LPCAT1: variants seen among roughly 807,000 people sequenced by gnomAD.
LPCAT1 encodes the protein lysophosphatidylcholine acyltransferase 1.
LPCAT1 carries 23 observed loss-of-function variants against 60.9 expected under a neutral mutation model. The observed-to-expected ratio is 0.38, with a 90% CI of 0.27 to 0.53. The LOEUF (loss-of-function observed/expected upper bound fraction) is 0.53, where lower values mean the gene tolerates loss of function less well. Among genes scored for constraint, LPCAT1 ranks in the 20% least tolerant of loss-of-function variants. The pLI is 0.82. For missense variants in LPCAT1, 622 were observed against 723.6 expected (o/e 0.86, Z 1.61); for synonymous variants, 340 against 301.1 (o/e 1.13, Z -1.34).
At chr5:1,516,478 T>A (rs1244390369) in intron 1 of LPCAT1, among the ~76,000 whole-genome samples, 1 of 152,212 alleles carries the variant, frequency 6.6e-6, no homozygotes, top group African/African-American at 2.4e-5. Context: ...GATCCACGCC[T>A]GCCCAGCCCG....
intron 10 of LPCAT1, 70 bp downstream of exon 10, chr5:1,474,490 G>T: frequency 6.4e-7 from 1 of 1,573,628 alleles, no homozygotes; most frequent in East Asian, 2.3e-5. Context: ...TGCAACCCCA[G>T]GCAGCCCCCG....
At chr5:1,473,495 C>T (rs531219102) in intron 11 of LPCAT1, among the ~76,000 whole-genome samples, 2 of 152,232 alleles carry the variant, frequency 1.3e-5, no homozygotes, top group Admixed American at 6.5e-5. Flanking sequence ...GGATGACGTG[C>T]GGAGGGCAGA....
chr5:1,518,441 C>T lies in LPCAT1; in HGVS notation c.135+5269G>A, dbSNP rs546187907. 5.0e-4 allele frequency among the ~76,000 whole-genome samples: 76 copies of T among 152,304 alleles called. 1 individual carries two copies. Among genetic ancestry groups the T allele is most frequent in the Non-Finnish European group, 5.6e-4 (38 of 68,030 alleles). Reference sequence around the variant, plus strand: ...CTGCAAGCTCCGCCTCCTGGGTTCACGCCATTCTCCTGCCTCAGCCTCCTG... The same window carrying T: ...CTGCAAGCTCCGCCTCCTGGGTTCATGCCATTCTCCTGCCTCAGCCTCCTG... On this transcript the variant is annotated intron_variant, in intron 1 of 13. Coordinates refer to ENST00000283415, the MANE Select transcript of LPCAT1 (RefSeq NM_024830.5).
chr5:1,464,739 GAC>G (rs367621142), intron 13 of LPCAT1, among the ~76,000 whole-genome samples: 4,021 of 129,080 alleles, frequency 0.031, 124 homozygotes, highest in African/African-American at 0.095. Flanking sequence ...CATGCACGCA[GAC>G]ACACACACAC....
chr5:1,473,614 G>T (rs1440807614), intron 11 of LPCAT1, among the ~76,000 whole-genome samples: 2 of 152,230 alleles, frequency 1.3e-5, no homozygotes, highest in African/African-American at 4.8e-5. Context: ...CTCTGACGCT[G>T]CAAAGAGCAG....
At chr5:1,497,397 G>T (rs938598165) in intron 2 of LPCAT1, among the ~76,000 whole-genome samples, 1 of 152,248 alleles carries the variant, frequency 6.6e-6, no homozygotes, top group Non-Finnish European at 1.5e-5. Flanking sequence ...GGCTCTGCAG[G>T]TTCCAAATGT....
chr5:1,489,065 C>T (rs976519011), intron 4 of LPCAT1, among the ~76,000 whole-genome samples: 1 of 152,232 alleles, frequency 6.6e-6, no homozygotes, highest in African/African-American at 2.4e-5. Context: ...GGAAGACAGA[C>T]CTCAGGGGGG....
chr5:1,501,427 C>G (rs1979397), intron 2 of LPCAT1, 34 bp downstream of exon 2: 17 of 1,580,048 alleles, frequency 1.1e-5, no homozygotes, highest in East Asian at 4.6e-5. Flanking sequence ...GTGACCCCCC[C>G]CCAGGAGGAG....
At chr5:1,508,176 G>A (rs1579809061) in intron 1 of LPCAT1, among the ~76,000 whole-genome samples, 1 of 152,144 alleles carries the variant, frequency 6.6e-6, no homozygotes, top group South Asian at 2.1e-4. Flanking sequence ...GACAGCAGCC[G>A]CGCCAAGCAG....
At chr5:1,512,329 C>T (rs770473482) in intron 1 of LPCAT1, among the ~76,000 whole-genome samples, 50 of 152,328 alleles carry the variant, frequency 3.3e-4, no homozygotes, top group South Asian at 4.1e-4. Flanking sequence ...GTCAGCTCTG[C>T]ATCATCATCC....
In LPCAT1 at chr5:1,495,002, C is replaced by T. The variant is rs1735732903; in HGVS notation, c.279-88G>A. 7.9e-7 allele frequency: 1 copy of T among 1,272,878 alleles called. No homozygotes were observed. Among genetic ancestry groups the T allele is most frequent in the Non-Finnish European group, 1.1e-6 (1 of 918,040 alleles). The allele number at this position is 1,272,878 out of a possible 1,614,324, so 78.8% of individuals were successfully genotyped here. On this transcript the variant is annotated intron_variant, in intron 2 of 13. Transcript: ENST00000283415. The surrounding 1 kb of genome is among the most constrained non-coding windows in gnomAD (Gnocchi z 4.7). ...ACAGGGGCGGTCCCACGGGAGAGCC[C>T]TCCAGGGCGCAGTCCAGGCCACGGG...
At chr5:1,512,555 G>A (rs914263449) in intron 1 of LPCAT1, among the ~76,000 whole-genome samples, 2 of 152,218 alleles carry the variant, frequency 1.3e-5, no homozygotes, top group African/African-American at 4.8e-5. Flanking sequence ...TCAACCTTGT[G>A]TACTACAAAT....
At chr5:1,478,212 A>C (rs1292415325) in intron 8 of LPCAT1, among the ~76,000 whole-genome samples, 1 of 152,282 alleles carries the variant, frequency 6.6e-6, no homozygotes, top group Non-Finnish European at 1.5e-5. Context: ...TTTTAAATGA[A>C]TATGACCCAC....
intron 5 of LPCAT1, among the ~76,000 whole-genome samples, chr5:1,485,299 G>A (rs1735328929): frequency 6.6e-6 from 1 of 152,102 alleles, no homozygotes; most frequent in Admixed American, 6.5e-5. Context: ...GTCTGCAGGG[G>A]TCTCTGGCCT....
At chr5:1,488,492 C>T in intron 4 of LPCAT1, 41 bp from the exon 5 acceptor site, 5 of 1,343,088 alleles carry the variant, frequency 3.7e-6, no homozygotes, top group Non-Finnish European at 5.2e-6. Context: ...TTAAACTGTA[C>T]ATAATTATAA....
At position 1,523,944 on chromosome 5, in the gene LPCAT1, G is replaced by C. The variant is rs1210089500; in HGVS notation, c.-100C>G. 11 of 856,430 alleles carry C rather than the reference G, an allele frequency of 1.3e-5. No homozygotes were observed. Among genetic ancestry groups the C allele is most frequent in the East Asian group, 1.2e-4 (1 of 8,524 alleles). 53.1% of individuals were successfully genotyped at this position (856,430 alleles called of 1,614,324 possible). ...GTCTCGGGGCGCGGGCCGAGGATGC[G>C]CGGCGGCTGGAGCGGGCCGGGCGCG... On this transcript the variant is annotated 5_prime_UTR_variant, in exon 1 of 14. Coordinates refer to ENST00000283415, the MANE Select transcript of LPCAT1 (RefSeq NM_024830.5). This position sits in a 1 kb window ranked among gnomAD's most constrained non-coding sequence, Gnocchi z 7.1.
At chr5:1,513,791 A>C in intron 1 of LPCAT1, among the ~76,000 whole-genome samples, 1 of 137,652 alleles carries the variant, frequency 7.3e-6, no homozygotes. Context: ...CTGTGATTAC[A>C]TTTCCTCCAT....
chr5:1,521,557 G>T lies in LPCAT1; in HGVS notation c.135+2153C>A, dbSNP rs756738834. The T allele has an allele frequency of 4.1e-5, 35 of 844,950 alleles. No homozygotes were observed. The highest frequency in any genetic ancestry group is 5.0e-5 in the Non-Finnish European group (35 of 702,038). 52.3% of individuals were successfully genotyped at this position (844,950 alleles called of 1,614,324 possible). A position where few individuals can be genotyped will look rare whatever the true frequency, so the allele number is the denominator to read the frequency against. On this transcript the variant is annotated intron_variant, in intron 1 of 13. Coordinates refer to ENST00000283415, the MANE Select transcript of LPCAT1 (RefSeq NM_024830.5). This position sits in a 1 kb window ranked among gnomAD's most constrained non-coding sequence, Gnocchi z 4.3. ...GTGAAAAGCAAAATGTTTCTGCAGA[G>T]AACTTTGAGAACGTTTACAAACTAA...
At chr5:1,485,911 G>C (rs1235361319) in intron 5 of LPCAT1, among the ~76,000 whole-genome samples, 3 of 152,230 alleles carry the variant, frequency 2.0e-5, no homozygotes, top group African/African-American at 7.2e-5. Flanking sequence ...GCCACATTTG[G>C]TAGGCCCGCC....
Sources: gnomAD v4.1 joint callset for allele counts (sites outside exome capture counted in the v4.1 genomes callset) on GRCh38, gnomAD v4.1.1 for gene constraint, Gnocchi (gnomAD v3.1) non-coding constraint, MANE v1.5 for transcripts, NCBI Gene and HGNC (gene_info 2026-07-23, HGNC 2026-07-21) for gene names.